The following DCBLD1 variants were observed in gnomAD, a reference collection of about 807,000 sequenced individuals.
The protein encoded by DCBLD1 is discoidin, CUB and LCCL domain-containing protein 1.
DCBLD1 carries 57 observed loss-of-function variants against 71.5 expected under a neutral mutation model. The ratio of observed to expected loss-of-function variants is 0.80; its 90% CI spans 0.64 to 0.99. DCBLD1 has a LOEUF of 0.99. Ranked by LOEUF, DCBLD1 falls within the 50% of genes least tolerant of loss-of-function variation. The pLI is 0.00. For synonymous variants in DCBLD1, 380 were observed against 363.8 expected, an observed-to-expected ratio of 1.04 and a Z score of -0.51; for missense variants, 891 against 923.5, an observed-to-expected ratio of 0.96 and a Z score of 0.46.
At chr6:117,501,586 G>C (rs1337940932) in intron 1 of DCBLD1, among the ~76,000 whole-genome samples, 1 of 152,116 alleles carries the variant, frequency 6.6e-6, no homozygotes, top group African/African-American at 2.4e-5. Context: ...CGCTGCCTTG[G>C]CCTCCCAAAA....
rs1779240210 is a variant in DCBLD1 at position 117,545,584 on chromosome 6, A to G, written c.1602A>G (p.Thr534=). The G allele has an allele frequency of 6.2e-7, 1 of 1,614,006 alleles. No homozygotes were observed. The highest frequency in any genetic ancestry group is 1.3e-5 in the African/African-American group (1 of 75,052). Residue 534 remains threonine (T), a synonymous_variant, in exon 14 of 15, where the codon ACA becomes ACG. Coordinates refer to ENST00000338728, the MANE Select transcript of DCBLD1 (RefSeq NM_001366458.2). ...KEMTQKLDLI[T]SDMADYQQPL... ...TGACACAAAAGTTAGATCTCATCAC[A>G]AGTGATATGGCAGGTAAGTGTCATA... is the stretch of plus-strand genomic sequence containing the variant.
chr6:117,548,694 C>T lies in DCBLD1; in HGVS notation c.*255C>T. 7.2e-7 allele frequency: 1 copy of T among 1,388,922 alleles called. No homozygotes were observed. Among genetic ancestry groups the T allele is most frequent in the South Asian group, 1.6e-5 (1 of 62,942 alleles). The allele number at this position is 1,388,922 out of a possible 1,614,324, so 86.0% of individuals were successfully genotyped here. ...TAGAAAAATGAAAATTTTCAGATGG[C>T]GTTTTCATTCCTCTGACTGATATTG... On this transcript the variant is annotated 3_prime_UTR_variant, in exon 15 of 15. Coordinates refer to ENST00000338728, the MANE Select transcript of DCBLD1 (RefSeq NM_001366458.2).
chr6:117,563,534 C>T (rs1428866560), intron 14 of DCBLD1: 11 of 666,856 alleles, frequency 1.6e-5, no homozygotes, highest in Non-Finnish European at 2.1e-5. Context: ...CCAGCCTGGA[C>T]AATGTGGTGA....
downstream of DCBLD1, among the ~76,000 whole-genome samples, chr6:117,552,565 G>T (rs1405533253): frequency 1.3e-5 from 2 of 151,284 alleles, no homozygotes; most frequent in African/African-American, 4.9e-5. Flanking sequence ...TTTTCTTTTT[G>T]CTGTGACACC....
intron 14 of DCBLD1, among the ~76,000 whole-genome samples, chr6:117,558,223 A>G (rs769798039): frequency 6.6e-6 from 1 of 152,222 alleles, no homozygotes; most frequent in Non-Finnish European, 1.5e-5. Context: ...TTAGGTGTTC[A>G]GCCTGAAGCT....
intron 13 of DCBLD1, among the ~76,000 whole-genome samples, chr6:117,545,068 C>CAG (rs931839868): frequency 3.3e-5 from 5 of 151,158 alleles, no homozygotes; most frequent in African/African-American, 1.2e-4. Context: ...AGCCATGGTC[C>CAG]AGAGAGAGAG....
chr6:117,493,650 G>A (rs1562429415), intron 1 of DCBLD1, among the ~76,000 whole-genome samples: 1 of 152,128 alleles, frequency 6.6e-6, no homozygotes, highest in Non-Finnish European at 1.5e-5. Context: ...CGCTACCTCA[G>A]TTTTGTCACC....
chr6:117,539,463 C>G (rs1779016887), intron 9 of DCBLD1, 84 bp downstream of exon 9: 3 of 1,435,552 alleles, frequency 2.1e-6, no homozygotes, highest in Non-Finnish European at 2.8e-6. Context: ...CATTAAATAT[C>G]TCATTAATAA....
intron 14 of DCBLD1, chr6:117,562,688 C>T (rs1209982209): frequency 4.8e-6 from 1 of 206,384 alleles, no homozygotes; most frequent in African/African-American, 2.3e-5. Flanking sequence ...AATGCAAACT[C>T]ATTACAATAA....
intron 11 of DCBLD1, among the ~76,000 whole-genome samples, chr6:117,542,913 G>C (rs1779147066): frequency 6.6e-6 from 1 of 152,130 alleles, no homozygotes; most frequent in Non-Finnish European, 1.5e-5. Flanking sequence ...GTCTCTGGGG[G>C]GCTGGGGGAG....
At chr6:117,559,685 G>A (rs573790088) in intron 14 of DCBLD1, among the ~76,000 whole-genome samples, 41 of 152,188 alleles carry the variant, frequency 2.7e-4, no homozygotes, top group Non-Finnish European at 4.4e-4. Flanking sequence ...AACAGTGCAC[G>A]GTAATTTGCA....
intron 1 of DCBLD1, among the ~76,000 whole-genome samples, chr6:117,484,089 C>T (rs1262266866): frequency 6.6e-6 from 1 of 152,088 alleles, no homozygotes; most frequent in Non-Finnish European, 1.5e-5. Context: ...TTGTTAAATG[C>T]GTAGGACTTT....
intron 13 of DCBLD1, 28 bp from the exon 14 acceptor site, chr6:117,545,450 C>T (rs1562124510): frequency 1.2e-6 from 2 of 1,610,184 alleles, no homozygotes; most frequent in Non-Finnish European, 1.7e-6. Context: ...CTGACATATT[C>T]ATTTGGTTTA....
intron 1 of DCBLD1, among the ~76,000 whole-genome samples, chr6:117,502,168 C>T (rs956528465): frequency 4.6e-5 from 7 of 152,168 alleles, no homozygotes; most frequent in Admixed American, 6.5e-5. Flanking sequence ...ATACCTGTTT[C>T]GTTATCTTCC....
intron 14 of DCBLD1, among the ~76,000 whole-genome samples, chr6:117,568,026 CAAAAAAA>C (rs779227271): frequency 0.02 from 912 of 46,658 alleles, 5 homozygotes; most frequent in Non-Finnish European, 0.034. Context: ...CCCATCTCTA[CAAAAAAA>C]AAAAAAAAAA....
chr6:117,514,777 C>T (rs192142323), intron 2 of DCBLD1, among the ~76,000 whole-genome samples: 1 of 152,214 alleles, frequency 6.6e-6, no homozygotes, highest in East Asian at 1.9e-4. Flanking sequence ...GAAATAGTTA[C>T]ATGCCTATCA....
At chr6:117,537,504 A>C (rs560325059) in intron 7 of DCBLD1, among the ~76,000 whole-genome samples, 27 of 151,114 alleles carry the variant, frequency 1.8e-4, no homozygotes, top group African/African-American at 5.6e-4. Context: ...ACTGCACTCC[A>C]GCCTGGGTAA....
intron 14 of DCBLD1, among the ~76,000 whole-genome samples, chr6:117,557,097 T>C (rs1376340572): frequency 5.9e-5 from 9 of 152,208 alleles, no homozygotes; most frequent in African/African-American, 2.2e-4. Context: ...CCAAATGCCC[T>C]CTTAAAACTT....
At chr6:117,509,658 A>C (rs1470220986) in intron 2 of DCBLD1, among the ~76,000 whole-genome samples, 4 of 150,908 alleles carry the variant, frequency 2.7e-5, no homozygotes, top group Admixed American at 2.6e-4. Flanking sequence ...TGTCTTGCCT[A>C]CTGTTAATAT....
Sources: gnomAD v4.1 joint callset for allele counts (sites outside exome capture counted in the v4.1 genomes callset) on GRCh38, gnomAD v4.1.1 for gene constraint, MANE v1.5 for transcripts, NCBI Gene and HGNC (gene_info 2026-07-23, HGNC 2026-07-21) for gene names.